The following WDR93 variants were observed in gnomAD, a reference collection of about 807,000 sequenced individuals.
The protein encoded by WDR93 is WD repeat-containing protein 93.
WDR93 carries 73 observed loss-of-function variants against 82.9 expected under a neutral mutation model. That is an observed-to-expected ratio of 0.88 (90% CI 0.73 to 1.07). The LOEUF is 1.07. WDR93 is among the 50% of genes least tolerant of loss of function. WDR93 has a pLI of 0.00. For missense variants in WDR93, 738 were observed against 826.0 expected (o/e 0.89, Z 1.31); for synonymous variants, 283 against 300.1 (o/e 0.94, Z 0.59).
chr15:89,696,735 T>C (rs1361145032), intron 1 of WDR93, among the ~76,000 whole-genome samples: 7 of 152,196 alleles, frequency 4.6e-5, no homozygotes, highest in Admixed American at 2.6e-4. Flanking sequence ...GCTCAAGCAA[T>C]CTGCCTGCCT....
intron 3 of WDR93, chr15:89,705,334 G>A: frequency 1.8e-6 from 1 of 552,698 alleles, no homozygotes; most frequent in Non-Finnish European, 3.2e-6. Context: ...TGGAGCCAGG[G>A]TAGGTGGAGA....
chr15:89,699,269 GA>G (rs1295019124), intron 1 of WDR93, among the ~76,000 whole-genome samples: 3 of 152,072 alleles, frequency 2.0e-5, no homozygotes, highest in South Asian at 2.1e-4. Context: ...TTAATTTTCT[GA>G]AAAATATGTT....
chr15:89,725,415 G>A (rs1966693531), intron 8 of WDR93, among the ~76,000 whole-genome samples: 1 of 152,068 alleles, frequency 6.6e-6, no homozygotes, highest in African/African-American at 2.4e-5. Flanking sequence ...ATGTTTAGGT[G>A]ATAAAAGCAT....
intron 16 of WDR93, among the ~76,000 whole-genome samples, chr15:89,738,703 C>T (rs1238554266): frequency 3.9e-5 from 6 of 151,932 alleles, no homozygotes; most frequent in African/African-American, 1.5e-4. Context: ...TGCACTCCAC[C>T]TCACATGTGG....
chr15:89,729,725 A>G lies in WDR93; in HGVS notation c.1166A>G (p.Asn389Ser), dbSNP rs768851940. 3 of 1,613,126 alleles carry G rather than the reference A, an allele frequency of 1.9e-6. No homozygotes were observed. Among genetic ancestry groups the G allele is most frequent in the Non-Finnish European group, 2.5e-6 (3 of 1,179,798 alleles). ...VLGIHWTRSHNFFLYSLNRTL... is the reference protein window; with the variant it reads ...VLGIHWTRSHSFFLYSLNRTL... ...GGTATACACTGGACCAGAAGTCACA[A>G]TTTCTTCCTGTATTCACTAAACCGA... The change falls in exon 11 of 17, where the codon AAT (asparagine) becomes AGT (serine). Residue 389 changes from asparagine (N) to serine (S), a missense_variant. Physicochemically the swap from Asn to Ser is conservative, Grantham distance 46. Transcript: ENST00000268130.
chr15:89,731,597 G>C, intron 12 of WDR93, 35 bp downstream of exon 12: 1 of 1,612,830 alleles, frequency 6.2e-7, no homozygotes, highest in Non-Finnish European at 8.5e-7. Context: ...TAGTACCTGG[G>C]TGGGACTCTG....
rs114390978 is a variant in WDR93, at chr15:89,708,875, G to A, written c.562-3151G>A. ...GAATTATCAGAACAGTGAGAGTGGG[G>A]AAATGACCAAAGGTCAGAGAGTGTT... On this transcript the variant is annotated intron_variant, in intron 4 of 16. Transcript: ENST00000268130. Among the ~76,000 whole-genome samples, 892 of 152,336 alleles carry A rather than the reference G, an allele frequency of 5.9e-3. 7 individuals are homozygous for A. Among genetic ancestry groups the A allele is most frequent in the African/African-American group, 0.02 (837 of 41,570 alleles).
chr15:89,702,840 G>T, intron 2 of WDR93, 110 bp from the exon 3 acceptor site: 1 of 1,252,898 alleles, frequency 8.0e-7, no homozygotes. Flanking sequence ...CGTCCAGCCA[G>T]GAAATGTTAT....
intron 5 of WDR93, 97 bp downstream of exon 5, chr15:89,712,201 T>A (rs1027387445): frequency 1.9e-5 from 19 of 1,012,314 alleles, no homozygotes; most frequent in Non-Finnish European, 2.7e-5. Flanking sequence ...ATTTAGAAAT[T>A]ATTTTCAATT....
intron 4 of WDR93, among the ~76,000 whole-genome samples, chr15:89,708,864 G>C (rs1965837351): frequency 6.6e-6 from 1 of 152,246 alleles, no homozygotes; most frequent in Non-Finnish European, 1.5e-5. Context: ...TATCAGAACA[G>C]TGAGAGTGGG....
chr15:89,735,464 ATGTCTG>A lies in WDR93; in HGVS notation c.1545-24_1545-19del. The A allele has an allele frequency of 6.2e-7, 1 of 1,611,324 alleles. No individual in the cohort carries two copies. The highest frequency in any genetic ancestry group is 8.5e-7 in the Non-Finnish European group (1 of 1,177,602). Reference sequence around the variant, plus strand: ...ACTTTTAAACTCTTAAAGTAGGAGAATGTCTGTATATTTTCTGTCCTATAGGCCTGT... The same window carrying A: ...ACTTTTAAACTCTTAAAGTAGGAGAATATATTTTCTGTCCTATAGGCCTGT... On this transcript the variant is annotated intron_variant, in intron 13 of 16. Coordinates refer to ENST00000268130, the MANE Select transcript of WDR93 (RefSeq NM_020212.2).
chr15:89,727,104 C>T (rs1034810175), intron 8 of WDR93, 53 bp from the exon 9 acceptor site: 4 of 1,571,346 alleles, frequency 2.5e-6, no homozygotes, highest in Non-Finnish European at 3.5e-6. Context: ...AGGGGAAAAT[C>T]AGGAAAGGGG....
intron 16 of WDR93, among the ~76,000 whole-genome samples, chr15:89,739,538 A>G (rs1967488242): frequency 6.6e-6 from 1 of 152,322 alleles, no homozygotes; most frequent in Non-Finnish European, 1.5e-5. Context: ...TACTCAGGCC[A>G]TTCTGGAGAA....
intron 14 of WDR93, among the ~76,000 whole-genome samples, chr15:89,735,863 A>G (rs1411886903): frequency 2.6e-5 from 4 of 152,106 alleles, no homozygotes; most frequent in African/African-American, 9.7e-5. Flanking sequence ...GCAGCAGGGG[A>G]GGACTGTGTT....
intron 7 of WDR93, among the ~76,000 whole-genome samples, chr15:89,717,473 T>G (rs1040463827): frequency 6.6e-6 from 1 of 152,206 alleles, no homozygotes. Context: ...CTCATATCCA[T>G]TGAAGATGAC....
chr15:89,713,240 T>C (rs1268805747), intron 5 of WDR93, among the ~76,000 whole-genome samples: 2 of 152,246 alleles, frequency 1.3e-5, no homozygotes, highest in East Asian at 3.9e-4. Flanking sequence ...GGAGATACTT[T>C]GAGAGGATGC....
At chr15:89,718,883 G>C (rs1031016269) in intron 7 of WDR93, among the ~76,000 whole-genome samples, 8 of 152,184 alleles carry the variant, frequency 5.3e-5, no homozygotes, top group African/African-American at 1.7e-4. Flanking sequence ...CCAAAGTGCT[G>C]GGATTACAGG....
intron 8 of WDR93, among the ~76,000 whole-genome samples, chr15:89,724,737 G>A (rs556929950): frequency 6.6e-6 from 1 of 152,342 alleles, no homozygotes; most frequent in South Asian, 2.1e-4. Context: ...CTGCAGGGAA[G>A]TGCAAATTAA....
intron 13 of WDR93, among the ~76,000 whole-genome samples, chr15:89,734,576 G>A (rs753468971): frequency 9.9e-5 from 15 of 152,202 alleles, no homozygotes; most frequent in Admixed American, 2.0e-4. Context: ...CATTCAAGCA[G>A]TAGAAAAACA....
Sources: allele counts gnomAD v4.1 joint callset (sites outside exome capture counted in the v4.1 genomes callset), GRCh38; gene constraint gnomAD v4.1.1; transcripts MANE v1.5; gene names NCBI Gene and HGNC (gene_info 2026-07-23, HGNC 2026-07-21).